LDLRAD4: variants seen among roughly 807,000 people sequenced by gnomAD.
LDLRAD4 encodes the protein low-density lipoprotein receptor class A domain-containing protein 4.
Under a neutral mutation model 17.0 loss-of-function variants are expected in LDLRAD4, and 5 were observed. The ratio of observed to expected loss-of-function variants is 0.29; its 90% confidence interval spans 0.15 to 0.62. LDLRAD4 has a LOEUF of 0.62. Among genes scored for constraint, LDLRAD4 ranks in the 20% least tolerant of loss-of-function variants. LDLRAD4 has a pLI of 0.84. For missense variants in LDLRAD4, 340 were observed against 424.7 expected (o/e 0.80, Z 1.75); for synonymous variants, 168 against 171.8 (o/e 0.98, Z 0.17).
chr18:13,229,891 C>G (rs1333836255), intron 1 of LDLRAD4, among the ~76,000 whole-genome samples: 2 of 152,210 alleles, frequency 1.3e-5, no homozygotes, highest in African/African-American at 4.8e-5. Context: ...GTGAGTAGAC[C>G]TGCTGTCTCC....
chr18:13,550,922 C>T lies in LDLRAD4; in HGVS notation c.182-70195C>T, dbSNP rs1016297362. On this transcript the variant is annotated intron_variant, in intron 3 of 5. Transcript: ENST00000359446. ...CTCCTATGAGTACAGATGCTGTCAC[C>T]GTGGGCAGAGATGGCTGGCCACACC... Among the ~76,000 whole-genome samples, 182 of 152,214 alleles carry T rather than the reference C, an allele frequency of 1.2e-3. 1 individual carries two copies. The highest frequency in any genetic ancestry group is 3.1e-4 in the Non-Finnish European group (21 of 68,022).
At position 13,238,570 on chromosome 18, in the gene LDLRAD4, G is replaced by C. The variant is rs545230251; in HGVS notation, c.-467+19582G>C. Among the ~76,000 whole-genome samples, 12 of 152,304 alleles carry C rather than the reference G, an allele frequency of 7.9e-5. No individual in the cohort carries two copies. The South Asian group carries it at 2.3e-3, about 29-fold the overall frequency. On this transcript the variant is annotated intron_variant, in intron 1 of 5. Transcript: ENST00000399848. ...CAGGTGGGAGAACGTGCAGATGTGG[G>C]ACTCAGCACCCACAGAACTGAGGGG...
At chr18:13,493,328 T>C (rs2093397793) in intron 3 of LDLRAD4, among the ~76,000 whole-genome samples, 1 of 152,202 alleles carries the variant, frequency 6.6e-6, no homozygotes, top group South Asian at 2.1e-4. Context: ...TTTTTCTATT[T>C]TTTTGCATGA....
intron 1 of LDLRAD4, among the ~76,000 whole-genome samples, chr18:13,316,864 A>T (rs1186172997): frequency 3.9e-5 from 6 of 152,352 alleles, no homozygotes; most frequent in Admixed American, 3.9e-4. Flanking sequence ...GAAGGGAGAG[A>T]TGTACAAACC....
intron 3 of LDLRAD4, among the ~76,000 whole-genome samples, chr18:13,593,356 C>T (rs2095051653): frequency 6.6e-6 from 1 of 152,010 alleles, no homozygotes; most frequent in Non-Finnish European, 1.5e-5. Context: ...GTTTCTCCAG[C>T]AAGATTGTTA....
intron 1 of LDLRAD4, among the ~76,000 whole-genome samples, chr18:13,227,515 G>A (rs1304993188): frequency 6.6e-6 from 1 of 152,172 alleles, no homozygotes; most frequent in African/African-American, 2.4e-5. Flanking sequence ...GGCATTGCCT[G>A]GTGGACAGTG....
intron 3 of LDLRAD4, among the ~76,000 whole-genome samples, chr18:13,540,977 G>A (rs1043484044): frequency 1.3e-5 from 2 of 152,180 alleles, no homozygotes; most frequent in African/African-American, 4.8e-5. Context: ...CACTGCCAGC[G>A]GTCCCTGAGT....
intron 3 of LDLRAD4, chr18:13,611,504 C>T (rs981020960): frequency 2.0e-6 from 2 of 984,980 alleles, no homozygotes; most frequent in Non-Finnish European, 2.4e-6. Flanking sequence ...AGATGTTTTA[C>T]ACTCAGATGA....
rs541723859 is a variant in LDLRAD4 at position 13,568,700 on chromosome 18, C to T, written c.182-52417C>T. On this transcript the variant is annotated intron_variant, in intron 3 of 5. Coordinates refer to ENST00000359446, the Ensembl canonical transcript of LDLRAD4. ...AAAAACGAGTGCACTTCACGCCCCACATCAGGACCTGTGGCCTTCGTTATA... is the reference window on the plus strand; with the variant it reads ...AAAAACGAGTGCACTTCACGCCCCATATCAGGACCTGTGGCCTTCGTTATA... 1.6e-3 allele frequency among the ~76,000 whole-genome samples: 247 copies of T among 152,334 alleles called. 3 individuals carry two copies. The highest frequency in any genetic ancestry group is 5.7e-3 in the African/African-American group (239 of 41,582).
chr18:13,249,997 T>C (rs2043153135), intron 1 of LDLRAD4, among the ~76,000 whole-genome samples: 1 of 152,216 alleles, frequency 6.6e-6, no homozygotes. Context: ...ATTTATTTAT[T>C]TTACGTTCAG....
At chr18:13,273,731 A>G (rs1296272082), upstream of LDLRAD4, among the ~76,000 whole-genome samples, 1 of 152,152 alleles carries the variant, frequency 6.6e-6, no homozygotes, top group African/African-American at 2.4e-5. Flanking sequence ...CCTTTACCTT[A>G]GAGAGTGAGA....
intron 1 of LDLRAD4, among the ~76,000 whole-genome samples, chr18:13,237,247 G>A (rs1598821088): frequency 6.6e-6 from 1 of 152,186 alleles, no homozygotes; most frequent in African/African-American, 2.4e-5. Flanking sequence ...ATGAGATGGC[G>A]CAGGTGCCCG....
chr18:13,594,617 G>A (rs1447510198), intron 3 of LDLRAD4, among the ~76,000 whole-genome samples: 1 of 121,532 alleles, frequency 8.2e-6, no homozygotes, highest in Non-Finnish European at 1.6e-5. Flanking sequence ...AGTGAGCTGA[G>A]ATCATGCCAC....
rs1445248705 is a variant in LDLRAD4, at chr18:13,238,121, G to A, written c.-467+19133G>A. 7.2e-5 allele frequency among the ~76,000 whole-genome samples: 11 copies of A among 152,330 alleles called. No individual in the cohort carries two copies. The South Asian group carries it at 2.3e-3, about 32-fold the overall frequency. ...AAAACCCCAGGAACTATTGGGAACT[G>A]TAAACTAACAGCAGGTGCCAGAATA... is the stretch of plus-strand genomic sequence containing the variant. On this transcript the variant is annotated intron_variant, in intron 1 of 5. Transcript: ENST00000399848.
chr18:13,394,318 C>CT (rs1292093507), intron 2 of LDLRAD4, among the ~76,000 whole-genome samples: 2 of 151,864 alleles, frequency 1.3e-5, no homozygotes, highest in Non-Finnish European at 2.9e-5. Flanking sequence ...ATGTGATTAT[C>CT]TTTTTTTTAG....
At chr18:13,501,381 T>C (rs2093611376) in intron 3 of LDLRAD4, 1 of 152,194 alleles carries the variant, frequency 6.6e-6, no homozygotes, top group Non-Finnish European at 1.5e-5. Flanking sequence ...CTCATCCTCC[T>C]GGGCAGACAG....
intron 3 of LDLRAD4, among the ~76,000 whole-genome samples, chr18:13,447,006 G>A (rs1024371397): frequency 2.0e-5 from 3 of 152,190 alleles, no homozygotes; most frequent in Non-Finnish European, 2.9e-5. Context: ...TTGGAGCGAG[G>A]CTGGGGTGAG....
chr18:13,517,354 T>A (rs1398799828), intron 3 of LDLRAD4, among the ~76,000 whole-genome samples: 1 of 152,212 alleles, frequency 6.6e-6, no homozygotes, highest in African/African-American at 2.4e-5. Context: ...ACTCCCCATG[T>A]GGGACAACTG....
chr18:13,611,806 C>G, intron 3 of LDLRAD4: 1 of 985,636 alleles, frequency 1.0e-6, no homozygotes, highest in South Asian at 4.7e-5. Context: ...GGGAAAGGAG[C>G]GCGCAGTGTT....
Sources: allele counts gnomAD v4.1 joint callset (sites outside exome capture counted in the v4.1 genomes callset), GRCh38; gene constraint gnomAD v4.1.1; transcripts MANE v1.5; gene names NCBI Gene and HGNC (gene_info 2026-07-23, HGNC 2026-07-21).